Variants in REXO5 observed in about 807,000 individuals in gnomAD.
The protein encoded by REXO5 is RNA exonuclease 5.
In REXO5, 48 loss-of-function variants were observed where a neutral mutation model predicts 88.5. The observed-to-expected ratio is 0.54, with a 90% CI of 0.43 to 0.69. The LOEUF is 0.69. REXO5 is among the 30% of genes least tolerant of loss of function. The pLI, the probability that REXO5 is intolerant of heterozygous loss-of-function variation, is 0.00. For synonymous variants in REXO5, 311 were observed against 336.5 expected (o/e 0.92, Z 0.83); for missense variants, 749 against 912.2 (o/e 0.82, Z 2.30).
chr16:20,824,940 C>T (rs2081238607), intron 7 of REXO5, among the ~76,000 whole-genome samples: 1 of 151,926 alleles, frequency 6.6e-6, no homozygotes, highest in Admixed American at 6.6e-5. Flanking sequence ...ACCCAGTAGG[C>T]AGAGGTTGCA....
chr16:20,806,455 G>A (rs975828550), upstream of REXO5: 12 of 1,552,034 alleles, frequency 7.7e-6, no homozygotes, highest in African/African-American at 1.2e-4. Flanking sequence ...GCTTTTCCAA[G>A]TCCAGCTGCC....
chr16:20,837,035 G>A (rs2081442191), intron 13 of REXO5, among the ~76,000 whole-genome samples: 3 of 152,108 alleles, frequency 2.0e-5, no homozygotes, highest in African/African-American at 7.2e-5. Flanking sequence ...TCCTTTAACA[G>A]ATAAGTCTTT....
At chr16:20,841,487 G>A (rs570304107) in intron 15 of REXO5, among the ~76,000 whole-genome samples, 31 of 152,182 alleles carry the variant, frequency 2.0e-4, no homozygotes, top group African/African-American at 6.5e-4. Context: ...TTTAGAATTC[G>A]GAACTAGGTA....
intron 2 of REXO5, 79 bp downstream of exon 2, chr16:20,807,170 A>C: frequency 6.6e-7 from 1 of 1,507,310 alleles, no homozygotes; most frequent in Non-Finnish European, 8.9e-7. Flanking sequence ...CGTCGGGGGC[A>C]CTGGATTCGG....
intron 11 of REXO5, among the ~76,000 whole-genome samples, chr16:20,829,797 CAG>C (rs1183765697): frequency 1.3e-5 from 2 of 152,204 alleles, no homozygotes; most frequent in African/African-American, 4.8e-5. Flanking sequence ...CACAGTCAGT[CAG>C]AGGTGGAACC....
At chr16:20,820,796 T>C (rs2152503308) in intron 5 of REXO5, among the ~76,000 whole-genome samples, 1 of 151,480 alleles carries the variant, frequency 6.6e-6, no homozygotes, top group Non-Finnish European at 1.5e-5. Flanking sequence ...ACTCCTGACC[T>C]CAAGGGTTCC....
At chr16:20,831,740 A>T (rs930786891) in intron 11 of REXO5, among the ~76,000 whole-genome samples, 2 of 151,988 alleles carry the variant, frequency 1.3e-5, no homozygotes, top group Non-Finnish European at 2.9e-5. Flanking sequence ...TAGTCTTTTT[A>T]AAAAATTTTC....
chr16:20,813,348 T>TTTCTTTC (rs776530701), intron 3 of REXO5, 46 bp downstream of exon 3: 3 of 622,294 alleles, frequency 4.8e-6, no homozygotes, highest in South Asian at 2.5e-5. Context: ...CGGTTTCTTT[T>TTTCTTTC]TTTTTTTTTT....
chr16:20,813,103 TA>T, intron 2 of REXO5, 86 bp from the exon 3 acceptor site: 1 of 876,742 alleles, frequency 1.1e-6, no homozygotes, highest in Non-Finnish European at 1.9e-6. Flanking sequence ...TATGTTAAAG[TA>T]ATCAGAAGCT....
At chr16:20,836,210 T>C (rs1223445007) in intron 13 of REXO5, among the ~76,000 whole-genome samples, 2 of 152,230 alleles carry the variant, frequency 1.3e-5, no homozygotes, top group Non-Finnish European at 2.9e-5. Context: ...TGTCTTGGTG[T>C]TGACAAATGT....
intron 1 of REXO5, 121 bp from the exon 2 acceptor site, chr16:20,806,831 A>G (rs1453351962): frequency 3.6e-6 from 5 of 1,396,028 alleles, no homozygotes; most frequent in Non-Finnish European, 4.8e-6. Context: ...AACTGAATTG[A>G]GAAGCGGATC....
chr16:20,822,434 A>G (rs1374352219), intron 6 of REXO5, among the ~76,000 whole-genome samples: 5 of 152,098 alleles, frequency 3.3e-5, no homozygotes, highest in Non-Finnish European at 7.3e-5. Flanking sequence ...TTAAAAACAG[A>G]TATAATTTAA....
At chr16:20,820,539 T>C (rs1567389408) in intron 5 of REXO5, among the ~76,000 whole-genome samples, 1 of 10,630 alleles carries the variant, frequency 9.4e-5, no homozygotes. Context: ...TATATATATA[T>C]ATATATTTTT....
Position 20,821,815 on chromosome 16 carries a change from A to G in REXO5, c.529A>G (p.Ile177Val), listed in dbSNP as rs1336119928. The G allele has an allele frequency of 6.2e-7, 1 of 1,608,288 alleles. No homozygotes were observed. The highest frequency in any genetic ancestry group is 8.5e-7 in the Non-Finnish European group (1 of 1,178,580). The change falls in exon 6 of 20, where the codon ATT (isoleucine) becomes GTT (valine). Residue 177 changes from isoleucine (I) to valine (V), a missense_variant. Coordinates refer to ENST00000261377, the MANE Select transcript of REXO5 (RefSeq NM_030941.3). The stretch of plus-strand genomic sequence containing the variant: ...CATCAACCTTCAGGATGATCCCATC[A>G]TTCAAAAGTATGGCTCTAAGAAAGT... ...AAINLQDDPI[I>V]QKYGSKKVGL...
chr16:20,830,395 C>T (rs2081324048), intron 11 of REXO5, among the ~76,000 whole-genome samples: 1 of 151,598 alleles, frequency 6.6e-6, no homozygotes, highest in Admixed American at 6.6e-5. Flanking sequence ...GGGGTTTCAC[C>T]ATGTTGGCCA....
chr16:20,806,705 G>T lies in REXO5; in HGVS notation c.-3G>T. 1.0e-6 allele frequency: 1 copy of T among 998,234 alleles called. No individual in the cohort carries two copies. The highest frequency in any genetic ancestry group is 1.4e-6 in the Non-Finnish European group (1 of 702,378). The allele number at this position is 998,234 out of a possible 1,614,324, so 61.8% of individuals were successfully genotyped here. Reference sequence around the variant, plus strand: ...GCCGTTGGGGAACCGTTGAGAATCCGGTAACCGATGCGGACGGTAAAGCCG... The same window carrying T: ...GCCGTTGGGGAACCGTTGAGAATCCTGTAACCGATGCGGACGGTAAAGCCG... On this transcript the variant is annotated splice_region_variant and 5_prime_UTR_variant, in exon 1 of 20. Coordinates refer to ENST00000261377, the MANE Select transcript of REXO5 (RefSeq NM_030941.3).
intron 3 of REXO5, among the ~76,000 whole-genome samples, chr16:20,814,027 C>G (rs1163766392): frequency 6.6e-6 from 1 of 151,534 alleles, no homozygotes; most frequent in Non-Finnish European, 1.5e-5. Flanking sequence ...TGGCTAGCTA[C>G]TTCGAGAACT....
chr16:20,842,682 T>G (rs1377858240), intron 15 of REXO5, among the ~76,000 whole-genome samples: 1 of 152,126 alleles, frequency 6.6e-6, no homozygotes, highest in Non-Finnish European at 1.5e-5. Flanking sequence ...CTTGAACTCC[T>G]GGACTCAAGA....
rs769830822 is a variant in REXO5 at position 20,827,168 on chromosome 16, C to T, written c.932C>T (p.Ser311Phe). ...CCTGATGCTGTGTTAGTGGGCCACT[C>T]CTTAGATTTGGATCTCAGAGCACTG... is the stretch of plus-strand genomic sequence containing the variant. ...LPPDAVLVGH[S>F]LDLDLRALKM... The change falls in exon 9 of 20, where the codon TCC (serine) becomes TTC (phenylalanine). Residue 311 changes from serine to phenylalanine, a missense_variant. Coordinates refer to ENST00000261377, the MANE Select transcript of REXO5 (RefSeq NM_030941.3). 4 of 1,614,052 alleles carry T rather than the reference C, an allele frequency of 2.5e-6. No individual in the cohort carries two copies. In the South Asian group the frequency reaches 3.3e-5, roughly 13 times the overall value.
Sources: allele counts gnomAD v4.1 joint callset (sites outside exome capture counted in the v4.1 genomes callset), GRCh38; gene constraint gnomAD v4.1.1; transcripts MANE v1.5; gene names NCBI Gene and HGNC (gene_info 2026-07-23, HGNC 2026-07-21).